The following NEK10 variants were observed in gnomAD, a reference collection of about 807,000 sequenced individuals.
NEK10 encodes the protein NIMA related kinase 10, also known as serine/threonine-protein kinase Nek10.
In NEK10, 122 loss-of-function variants were observed where a neutral mutation model predicts 159.8. The ratio of observed to expected loss-of-function variants is 0.76; its 90% CI spans 0.66 to 0.89. The LOEUF (loss-of-function observed/expected upper bound fraction) is 0.89. Among genes scored for constraint, NEK10 ranks in the 40% least tolerant of loss-of-function variants. The pLI is 0.00. For missense variants in NEK10, 1,342 were observed against 1,323.1 expected (o/e 1.01, Z -0.22); for synonymous variants, 466 against 457.1 (o/e 1.02, Z -0.25).
In NEK10 at chr3:27,318,769, GTCA is replaced by G. The variant is rs143575818; in HGVS notation, c.447+3405_447+3407del. 4.0e-3 allele frequency among the ~76,000 whole-genome samples: 610 copies of G among 152,312 alleles called. 3 individuals carry two copies. The highest frequency in any genetic ancestry group is 0.014 in the Middle Eastern group (4 of 294). ...ACTTTGAAAACCATTATGCTACTGT[GTCA>G]TCAAGGTGGTTGTCTAACATGTCTC... On this transcript the variant is annotated intron_variant, in intron 6 of 35. Coordinates refer to ENST00000691995, the MANE Select transcript of NEK10 (RefSeq NM_001394966.1).
At chr3:27,244,747 G>A (rs77443176) in intron 23 of NEK10, among the ~76,000 whole-genome samples, 4 of 151,748 alleles carry the variant, frequency 2.6e-5, no homozygotes, top group African/African-American at 4.8e-5. Flanking sequence ...TCCTGGACTC[G>A]CCCCCTCTTC....
intron 12 of NEK10, 46 bp from the exon 13 acceptor site, chr3:27,301,881 C>T: frequency 2.1e-6 from 3 of 1,445,054 alleles, no homozygotes; most frequent in Non-Finnish European, 2.9e-6. Flanking sequence ...AATTTCCCTT[C>T]ACCGTCAGTC....
chr3:27,240,522 CA>C (rs1954428050), intron 23 of NEK10, among the ~76,000 whole-genome samples: 1 of 152,160 alleles, frequency 6.6e-6, no homozygotes, highest in South Asian at 2.1e-4. Flanking sequence ...TGCTCCTTAA[CA>C]GACTAAGAAA....
intron 33 of NEK10, among the ~76,000 whole-genome samples, chr3:27,117,650 C>T (rs1222706105): frequency 6.6e-6 from 1 of 152,116 alleles, no homozygotes; most frequent in Non-Finnish European, 1.5e-5. Flanking sequence ...CTGTTCATGT[C>T]CTTTGCCTAC....
Position 27,297,211 on chromosome 3 carries a change from G to C in NEK10, c.1198C>G (p.Leu400Val). 3.7e-6 allele frequency: 6 copies of C among 1,613,086 alleles called. No homozygotes were observed. The highest frequency in any genetic ancestry group is 5.1e-6 in the Non-Finnish European group (6 of 1,179,106). Residue 400 changes from leucine (L) to valine (V), a missense_variant, in exon 14 of 36, where the codon CTC (leucine) becomes GTC (valine). Coordinates refer to ENST00000691995, the MANE Select transcript of NEK10 (RefSeq NM_001394966.1). ...ACCAALTELV[L>V]NDTNAHQVVQ... is the part of the protein sequence containing the mutation. ...ACCTGGTGGGCATTGGTGTCATTGA[G>C]CACCAGCTCAGTGAGGGCAGCACAG...
At chr3:27,250,644 C>G (rs922518405) in intron 23 of NEK10, among the ~76,000 whole-genome samples, 3 of 152,004 alleles carry the variant, frequency 2.0e-5, no homozygotes, top group African/African-American at 7.3e-5. Flanking sequence ...CTGGGAAAGT[C>G]TTTATTTCTC....
chr3:27,260,300 T>A (rs1420768785), intron 22 of NEK10, among the ~76,000 whole-genome samples: 1 of 152,292 alleles, frequency 6.6e-6, no homozygotes, highest in Admixed American at 6.5e-5. Context: ...CTTGTGCCAG[T>A]TTTCAAAGGG....
At chr3:27,291,433 A>G in intron 17 of NEK10, 43 bp from the exon 18 acceptor site, 1 of 1,606,538 alleles carries the variant, frequency 6.2e-7, no homozygotes, top group Non-Finnish European at 8.5e-7. Flanking sequence ...GTGATAAATT[A>G]CATCCTGACT....
chr3:27,252,220 G>T (rs1288207056), intron 23 of NEK10: 1 of 504,778 alleles, frequency 2.0e-6, no homozygotes, highest in East Asian at 5.6e-5. Context: ...GTCAGGTAGA[G>T]GCAAGACTAT....
chr3:27,324,618 C>T (rs1041953871), intron 5 of NEK10, among the ~76,000 whole-genome samples: 1 of 152,130 alleles, frequency 6.6e-6, no homozygotes, highest in Admixed American at 6.5e-5. Context: ...CAGGATCAAG[C>T]CACCACCATC....
At chr3:27,258,201 C>T (rs1304730165) in intron 22 of NEK10, among the ~76,000 whole-genome samples, 1 of 151,920 alleles carries the variant, frequency 6.6e-6, no homozygotes, top group African/African-American at 2.4e-5. Context: ...TTAATATATG[C>T]AAATGTCATG....
At chr3:27,358,551 G>A (rs1306107555) in intron 1 of NEK10, among the ~76,000 whole-genome samples, 1 of 152,158 alleles carries the variant, frequency 6.6e-6, no homozygotes, top group African/African-American at 2.4e-5. Flanking sequence ...CTTGGTAATT[G>A]CTGAGTAAAC....
chr3:27,295,469 G>C (rs1163785633), intron 15 of NEK10, 144 bp downstream of exon 15: 1 of 932,110 alleles, frequency 1.1e-6, no homozygotes, highest in Non-Finnish European at 1.4e-6. Flanking sequence ...TTCCATGCCA[G>C]TCTTCCTTGC....
intron 30 of NEK10, chr3:27,143,452 C>A (rs1943980549): frequency 1.3e-6 from 1 of 762,094 alleles, no homozygotes; most frequent in Non-Finnish European, 2.4e-6. Context: ...TACCTTGCCA[C>A]AAGAATGTGC....
chr3:27,277,381 T>G (rs1414111512), intron 22 of NEK10, among the ~76,000 whole-genome samples: 2 of 152,190 alleles, frequency 1.3e-5, no homozygotes, highest in African/African-American at 4.8e-5. Flanking sequence ...AACTGATACA[T>G]GTCCTAAACT....
At chr3:27,312,773 C>A (rs933856552) in intron 7 of NEK10, among the ~76,000 whole-genome samples, 17 of 152,036 alleles carry the variant, frequency 1.1e-4, no homozygotes, top group Non-Finnish European at 1.8e-4. Context: ...TGCTTTGTAA[C>A]ATAATCTTAT....
intron 5 of NEK10, among the ~76,000 whole-genome samples, chr3:27,324,778 C>T (rs1158691775): frequency 6.6e-6 from 1 of 152,148 alleles, no homozygotes; most frequent in Non-Finnish European, 1.5e-5. Flanking sequence ...CAACAGACCC[C>T]ATCTCGTTCA....
At chr3:27,206,887 G>A (rs1175945880) in intron 23 of NEK10, among the ~76,000 whole-genome samples, 1 of 152,138 alleles carries the variant, frequency 6.6e-6, no homozygotes, top group East Asian at 1.9e-4. Context: ...AGCTCCCTGG[G>A]AGATATCTTA....
chr3:27,358,788 T>C (rs2048485114), intron 1 of NEK10, among the ~76,000 whole-genome samples: 1 of 152,246 alleles, frequency 6.6e-6, no homozygotes, highest in Non-Finnish European at 1.5e-5. Flanking sequence ...ATTTGAATCA[T>C]TATGGTAAAT....
Sources: allele counts gnomAD v4.1 joint callset (sites outside exome capture counted in the v4.1 genomes callset), GRCh38; gene constraint gnomAD v4.1.1; transcripts MANE v1.5; gene names NCBI Gene and HGNC (gene_info 2026-07-23, HGNC 2026-07-21).